The following DAB1 variants were observed in gnomAD, a reference collection of about 807,000 sequenced individuals.
DAB1 encodes the protein disabled homolog 1.
In DAB1, 15 loss-of-function variants were observed where a neutral mutation model predicts 64.6. The ratio of observed to expected loss-of-function variants is 0.23; its 90% CI spans 0.16 to 0.36. The LOEUF (loss-of-function observed/expected upper bound fraction) is 0.36, where lower values mean the gene tolerates loss of function less well. DAB1 is among the 10% of genes least tolerant of loss of function. The probability of loss-of-function intolerance (pLI) is 1.00; values close to 1 mark genes in which losing one functional copy is unlikely to be tolerated. For missense variants in DAB1, 596 were observed against 706.7 expected (o/e 0.84, Z 1.78); for synonymous variants, 235 against 251.9 (o/e 0.93, Z 0.64).
intron 2 of DAB1, among the ~76,000 whole-genome samples, chr1:58,508,027 T>A (rs1394258522): frequency 6.6e-6 from 1 of 152,086 alleles, no homozygotes; most frequent in African/African-American, 2.4e-5. Flanking sequence ...AAACTGTTAA[T>A]CAAAAGACAA....
intron 5 of DAB1, among the ~76,000 whole-genome samples, chr1:57,980,964 A>C (rs1646051990): frequency 6.6e-6 from 1 of 151,750 alleles, no homozygotes; most frequent in East Asian, 1.9e-4. Context: ...TATATATATG[A>C]ATATAAAGAG....
intron 7 of DAB1, among the ~76,000 whole-genome samples, chr1:57,578,545 AG>A (rs1204950414): frequency 6.6e-6 from 1 of 152,208 alleles, no homozygotes; most frequent in Non-Finnish European, 1.5e-5. Flanking sequence ...CTTATAAACT[AG>A]GGGACATAGG....
intron 4 of DAB1, among the ~76,000 whole-genome samples, chr1:57,089,299 TAGTA>T (rs1229150289): frequency 2.6e-5 from 4 of 152,170 alleles, no homozygotes; most frequent in East Asian, 1.9e-4. Flanking sequence ...AGTTAATGCT[TAGTA>T]AGTGTTTGTG....
intron 7 of DAB1, among the ~76,000 whole-genome samples, chr1:57,449,788 T>C (rs974731785): frequency 1.3e-5 from 2 of 152,230 alleles, no homozygotes; most frequent in African/African-American, 4.8e-5. Context: ...TGGAAAACTC[T>C]TTAGAATATG....
At chr1:57,687,625 A>AAAAAAACAAAAAAC (rs1646716786) in intron 6 of DAB1, among the ~76,000 whole-genome samples, 1 of 150,988 alleles carries the variant, frequency 6.6e-6, no homozygotes, top group Non-Finnish European at 1.5e-5. Context: ...AAAAAGAAAA[A>AAAAAAACAAAAAAC]AAGAACAAAG....
rs1449464195 is a variant in DAB1, at chr1:57,877,662, G to A, written n.87+6337C>T. Reference sequence around the variant, plus strand: ...TGCAAGCTCCGCTTCCCGGGTTCACGCCATTCTCCTGCCTCAGCCTCCCGA... The same window carrying A: ...TGCAAGCTCCGCTTCCCGGGTTCACACCATTCTCCTGCCTCAGCCTCCCGA... On this transcript the variant is annotated intron_variant and non_coding_transcript_variant, in intron 1 of 1. Transcript: ENST00000477280. 1.1e-4 allele frequency among the ~76,000 whole-genome samples: 5 copies of A among 44,974 alleles called. 2 individuals are homozygous for A. The highest frequency in any genetic ancestry group is 2.9e-4 in the Admixed American group (1 of 3,460). The allele number at this position is 44,974 out of a possible 152,430, so 29.5% of individuals were successfully genotyped here. A position where few individuals can be genotyped will look rare whatever the true frequency, so the allele number is the denominator to read the frequency against.
At chr1:58,487,483 A>C (rs931858684) in intron 3 of DAB1, among the ~76,000 whole-genome samples, 4 of 152,234 alleles carry the variant, frequency 2.6e-5, no homozygotes, top group Non-Finnish European at 4.4e-5. Flanking sequence ...TTGTAAAATG[A>C]ATCAGAAACT....
chr1:57,707,208 C>T (rs545067822), intron 6 of DAB1, among the ~76,000 whole-genome samples: 5 of 152,284 alleles, frequency 3.3e-5, no homozygotes, highest in Admixed American at 2.0e-4. Flanking sequence ...AATCTGTTCT[C>T]ATCTCTATAA....
chr1:57,327,063 T>C (rs1406706884), intron 1 of DAB1, among the ~76,000 whole-genome samples: 2 of 152,118 alleles, frequency 1.3e-5, no homozygotes, highest in African/African-American at 4.8e-5. Flanking sequence ...ATCAGCCCCC[T>C]GAGTATCTGG....
At position 57,027,688 on chromosome 1, in the gene DAB1, T is replaced by G. The variant is rs1363654703; in HGVS notation, c.724-1645A>C. On this transcript the variant is annotated intron_variant, in intron 9 of 14. Transcript: ENST00000371236. ...ATTGACAATATTAATAGGAGAACTT[T>G]CTTTGATGTTTGGTTAAGACTGGTT... 2.0e-5 allele frequency among the ~76,000 whole-genome samples: 3 copies of G among 152,174 alleles called. 1 individual carries two copies. The South Asian group carries it at 6.2e-4, about 32-fold the overall frequency.
intron 4 of DAB1, among the ~76,000 whole-genome samples, chr1:58,265,622 C>A (rs1424859064): frequency 6.6e-6 from 1 of 152,146 alleles, no homozygotes; most frequent in Non-Finnish European, 1.5e-5. Context: ...CTGTTTATGG[C>A]AAAATCTGTG....
chr1:58,242,424 C>A (rs1292839738), intron 4 of DAB1, among the ~76,000 whole-genome samples: 1 of 151,972 alleles, frequency 6.6e-6, no homozygotes, highest in Non-Finnish European at 1.5e-5. Context: ...AAGCTGCCTA[C>A]ATAATAAAGC....
intron 4 of DAB1, among the ~76,000 whole-genome samples, chr1:58,294,274 G>A (rs895723314): frequency 2.0e-5 from 3 of 151,902 alleles, no homozygotes; most frequent in African/African-American, 7.3e-5. Context: ...TGAATTTTTG[G>A]AAAAAATTAC....
chr1:57,276,812 C>G (rs1671506662), intron 2 of DAB1, among the ~76,000 whole-genome samples: 2 of 152,220 alleles, frequency 1.3e-5, no homozygotes, highest in Non-Finnish European at 2.9e-5. Context: ...TTTCAACTTA[C>G]TATAATAAAC....
chr1:57,964,189 G>A (rs1645596758), intron 5 of DAB1, among the ~76,000 whole-genome samples: 1 of 152,274 alleles, frequency 6.6e-6, no homozygotes, highest in East Asian at 1.9e-4. Flanking sequence ...TTGCCCCGCA[G>A]GGTCTGTCTG....
At chr1:58,328,501 C>A (rs1039142037) in intron 4 of DAB1, among the ~76,000 whole-genome samples, 9 of 152,204 alleles carry the variant, frequency 5.9e-5, no homozygotes, top group African/African-American at 1.9e-4. Context: ...GCATCCCAGG[C>A]CCTTTGCCGC....
chr1:57,506,149 G>C (rs1290207272), intron 7 of DAB1, among the ~76,000 whole-genome samples: 1 of 152,156 alleles, frequency 6.6e-6, no homozygotes, highest in Non-Finnish European at 1.5e-5. Context: ...AGCCCAGCAG[G>C]GCTGTTGAAA....
intron 2 of DAB1, among the ~76,000 whole-genome samples, chr1:57,259,398 T>C (rs1372790119): frequency 6.6e-6 from 1 of 152,146 alleles, no homozygotes; most frequent in Non-Finnish European, 1.5e-5. Flanking sequence ...GTAATTCAGA[T>C]TGGCTGGCTG....
chr1:58,491,527 G>C lies in DAB1; in HGVS notation n.257+14533C>G, dbSNP rs966661855. On this transcript the variant is annotated intron_variant and non_coding_transcript_variant, in intron 3 of 20. Coordinates refer to the DAB1 transcript ENST00000485760. The stretch of plus-strand genomic sequence containing the variant: ...GCTGTATTCAGGAAACCCATCTCAC[G>C]TGCAGAGACACACATAGGTTCAAAA... Among the ~76,000 whole-genome samples, 5 of 152,084 alleles carry C rather than the reference G, an allele frequency of 3.3e-5. No individual in the cohort carries two copies. The East Asian group carries it at 7.7e-4, about 23-fold the overall frequency.
Sources: gnomAD v4.1 joint callset for allele counts (sites outside exome capture counted in the v4.1 genomes callset) on GRCh38, gnomAD v4.1.1 for gene constraint, MANE v1.5 for transcripts, NCBI Gene and HGNC (gene_info 2026-07-23, HGNC 2026-07-21) for gene names.